DTWD2: variants seen among roughly 807,000 people sequenced by gnomAD.
DTWD2 encodes tRNA-uridine aminocarboxypropyltransferase 2.
DTWD2 carries 39 observed loss-of-function variants against 31.8 expected under a neutral mutation model. That is an observed-to-expected ratio of 1.22 (90% CI 0.95 to 1.60). The LOEUF (loss-of-function observed/expected upper bound fraction) is 1.60, where lower values mean the gene tolerates loss of function less well. DTWD2 is among the 40% of genes most tolerant of loss of function. The probability of loss-of-function intolerance (pLI) is 0.00; values close to 1 mark genes in which losing one functional copy is unlikely to be tolerated. For missense variants in DTWD2, 515 were observed against 381.5 expected, an observed-to-expected ratio of 1.35 and a Z score of -2.92; for synonymous variants, 180 against 142.8, an observed-to-expected ratio of 1.26 and a Z score of -1.86.
chr5:118,916,623 C>T (rs376809727), intron 4 of DTWD2, among the ~76,000 whole-genome samples: 9 of 150,768 alleles, frequency 6.0e-5, no homozygotes, highest in South Asian at 2.1e-4. Flanking sequence ...GGCAATCGCA[C>T]CATTGCACTG....
intron 1 of DTWD2, among the ~76,000 whole-genome samples, chr5:118,946,288 C>T (rs1754337268): frequency 6.6e-6 from 1 of 152,156 alleles, no homozygotes; most frequent in Admixed American, 6.5e-5. Context: ...ACTGGATTTC[C>T]TCTCAGGAAT....
chr5:118,949,006 G>A (rs976086543), intron 1 of DTWD2, among the ~76,000 whole-genome samples: 4 of 152,162 alleles, frequency 2.6e-5, no homozygotes, highest in African/African-American at 7.2e-5. Context: ...GGGAGAGAAC[G>A]TGTGTTTTTA....
chr5:118,976,947 T>C (rs1444996943), intron 1 of DTWD2, among the ~76,000 whole-genome samples: 1 of 152,196 alleles, frequency 6.6e-6, no homozygotes, highest in Non-Finnish European at 1.5e-5. Flanking sequence ...AATAAAATAC[T>C]GGGAAACTGA....
At chr5:118,864,257 A>C (rs960711137) in intron 4 of DTWD2, among the ~76,000 whole-genome samples, 3 of 150,208 alleles carry the variant, frequency 2.0e-5, no homozygotes, top group Non-Finnish European at 4.4e-5. Flanking sequence ...GGAAATTATC[A>C]TTCTCAGTAA....
intron 1 of DTWD2, among the ~76,000 whole-genome samples, chr5:118,950,552 G>A (rs544362498): frequency 6.6e-6 from 1 of 152,190 alleles, no homozygotes; most frequent in Non-Finnish European, 1.5e-5. Context: ...GGGAGTGGCT[G>A]CCGGGCAAGT....
At chr5:118,897,463 T>C (rs1753109018) in intron 4 of DTWD2, among the ~76,000 whole-genome samples, 1 of 152,192 alleles carries the variant, frequency 6.6e-6, no homozygotes, top group Non-Finnish European at 1.5e-5. Context: ...TTTGCACAAA[T>C]AGTTTAGGCA....
At chr5:118,851,702 G>T (rs13168655) in intron 4 of DTWD2, among the ~76,000 whole-genome samples, 3 of 119,838 alleles carry the variant, frequency 2.5e-5, no homozygotes, top group East Asian at 5.8e-4. Flanking sequence ...GGTGGGGGGA[G>T]GGGGGAGGGA....
chr5:118,975,374 T>A (rs989416019), intron 1 of DTWD2, among the ~76,000 whole-genome samples: 5 of 152,148 alleles, frequency 3.3e-5, no homozygotes, highest in African/African-American at 1.2e-4. Context: ...TTCAGCTCCA[T>A]CAGGTAATTT....
chr5:118,937,984 G>C (rs1051763648), intron 3 of DTWD2, among the ~76,000 whole-genome samples: 2 of 151,900 alleles, frequency 1.3e-5, no homozygotes, highest in African/African-American at 4.8e-5. Flanking sequence ...TAATTAGCTT[G>C]ATTGTGCTAA....
chr5:118,888,354 A>T (rs577956973), intron 4 of DTWD2, among the ~76,000 whole-genome samples: 99 of 152,360 alleles, frequency 6.5e-4, no homozygotes, highest in African/African-American at 2.2e-3. Context: ...AAATTATACA[A>T]TAGGTACTCA....
chr5:118,925,574 G>A (rs573813008), intron 4 of DTWD2, among the ~76,000 whole-genome samples: 3 of 152,300 alleles, frequency 2.0e-5, no homozygotes, highest in East Asian at 1.9e-4. Flanking sequence ...GGCCAGGCAC[G>A]GTGGCTCATG....
intron 1 of DTWD2, among the ~76,000 whole-genome samples, chr5:118,972,500 G>C (rs2149599054): frequency 6.6e-6 from 1 of 152,150 alleles, no homozygotes; most frequent in South Asian, 2.1e-4. Context: ...AGCCCAAAAA[G>C]AAAGCCCAGG....
At chr5:118,861,316 T>G (rs917287198) in intron 4 of DTWD2, among the ~76,000 whole-genome samples, 3 of 152,244 alleles carry the variant, frequency 2.0e-5, no homozygotes, top group African/African-American at 7.2e-5. Flanking sequence ...GAAGCCCACT[T>G]AAAAGATGTC....
intron 4 of DTWD2, among the ~76,000 whole-genome samples, chr5:118,886,739 G>C (rs942986071): frequency 1.3e-5 from 2 of 152,072 alleles, no homozygotes; most frequent in African/African-American, 4.8e-5. Flanking sequence ...TTAAAAAGCT[G>C]AATGTTTCTA....
At chr5:118,852,287 G>C (rs1430104429) in intron 4 of DTWD2, among the ~76,000 whole-genome samples, 2 of 152,058 alleles carry the variant, frequency 1.3e-5, no homozygotes, top group Non-Finnish European at 2.9e-5. Context: ...CAATCAATTT[G>C]TACAGTTAAC....
chr5:118,965,235 T>C (rs1021661147), intron 1 of DTWD2, among the ~76,000 whole-genome samples: 4 of 149,684 alleles, frequency 2.7e-5, no homozygotes, highest in African/African-American at 1.0e-4. Flanking sequence ...GAGGAGCATC[T>C]CCGCCCGACA....
chr5:118,979,617 C>A (rs1755252062), intron 1 of DTWD2, among the ~76,000 whole-genome samples: 1 of 152,166 alleles, frequency 6.6e-6, no homozygotes, highest in Non-Finnish European at 1.5e-5. Context: ...ACATGCCCAT[C>A]AATAATAGAC....
chr5:118,917,627 TG>T (rs540927583), intron 4 of DTWD2, among the ~76,000 whole-genome samples: 2 of 152,110 alleles, frequency 1.3e-5, no homozygotes, highest in Non-Finnish European at 2.9e-5. Context: ...GTCCTTCACA[TG>T]GGGGCAGGAG....
At chr5:118,986,012 C>T (rs1019571638) in intron 1 of DTWD2, among the ~76,000 whole-genome samples, 6 of 152,084 alleles carry the variant, frequency 3.9e-5, no homozygotes, top group African/African-American at 1.4e-4. Context: ...ATTTCATAGC[C>T]TATCACACCG....
Sources: allele counts gnomAD v4.1 joint callset (sites outside exome capture counted in the v4.1 genomes callset), GRCh38; gene constraint gnomAD v4.1.1; transcripts MANE v1.5; gene names NCBI Gene and HGNC (gene_info 2026-07-23, HGNC 2026-07-21).